The following FLNB variants were observed in gnomAD, a reference collection of about 807,000 sequenced individuals.
FLNB encodes the protein filamin-B.
Under a neutral mutation model 250.6 loss-of-function variants are expected in FLNB, and 111 were observed. That is an observed-to-expected ratio of 0.44 (90% CI 0.38 to 0.52). FLNB has a LOEUF of 0.52. Among genes scored for constraint, FLNB ranks in the 20% least tolerant of loss-of-function variants. The pLI is 0.00. For missense variants in FLNB, 2,869 were observed against 3,447.8 expected (o/e 0.83, Z 4.20); for synonymous variants, 1,302 against 1,372.1 (o/e 0.95, Z 1.13).
chr3:58,108,736 A>C (rs1346910390), intron 13 of FLNB, among the ~76,000 whole-genome samples, 165 bp downstream of exon 13: 2 of 152,158 alleles, frequency 1.3e-5, no homozygotes, highest in African/African-American at 4.8e-5. Flanking sequence ...TGAGACTACC[A>C]TGTAGAGTAC....
In FLNB at chr3:58,121,472, T is replaced by C. The variant is rs748170376; in HGVS notation, c.3095T>C (p.Val1032Ala). Residue 1032 changes from valine to alanine, a missense_variant, in exon 20 of 46, where the codon GTG becomes GCG. This residue lies in a region of FLNB where 1,348 missense variants were observed against 1,466.7 expected (regional missense o/e 0.92). Coordinates refer to ENST00000295956, the MANE Select transcript of FLNB (RefSeq NM_001457.4). ...CCTGTGCCCGGGAGCCCCTACACAG[T>C]GGAGGCCTCGCTGCCACCAGATCCC... ...GHPVPGSPYT[V>A]EASLPPDPSK... 11 of 1,614,124 alleles carry C rather than the reference T, an allele frequency of 6.8e-6. No homozygotes were observed. Among genetic ancestry groups the C allele is most frequent in the Non-Finnish European group, 8.5e-6 (10 of 1,180,020 alleles).
At chr3:58,135,078 C>T (rs1236425822) in intron 27 of FLNB, among the ~76,000 whole-genome samples, 4 of 152,068 alleles carry the variant, frequency 2.6e-5, no homozygotes, top group Non-Finnish European at 5.9e-5. Context: ...GTCTTGAACT[C>T]TCTTGGGTTC....
chr3:58,080,862 C>T (rs556580489), intron 3 of FLNB, among the ~76,000 whole-genome samples: 45 of 151,192 alleles, frequency 3.0e-4, no homozygotes, highest in Middle Eastern at 3.4e-3. Flanking sequence ...GGCATGATCT[C>T]GGTTCACTGA....
At chr3:58,122,716 A>G (rs1247759508) in intron 20 of FLNB, among the ~76,000 whole-genome samples, 2 of 152,144 alleles carry the variant, frequency 1.3e-5, no homozygotes, top group Non-Finnish European at 2.9e-5. Flanking sequence ...AGCCACAGCT[A>G]GCTCCACAAG....
chr3:58,163,410 T>G, intron 43 of FLNB, 80 bp downstream of exon 43: 1 of 1,483,648 alleles, frequency 6.7e-7, no homozygotes, highest in African/African-American at 1.4e-5. Context: ...TCAAGCCCCA[T>G]GAAAGCTTTT....
chr3:58,082,503 G>GT (rs1249934121), intron 4 of FLNB, among the ~76,000 whole-genome samples: 2 of 152,114 alleles, frequency 1.3e-5, no homozygotes, highest in Non-Finnish European at 2.9e-5. Flanking sequence ...GGGTGTGATG[G>GT]TTCATGCCTA....
At chr3:58,119,097 A>T in intron 19 of FLNB, 108 bp downstream of exon 19, 1 of 863,616 alleles carries the variant, frequency 1.2e-6, no homozygotes, top group South Asian at 1.3e-5. Flanking sequence ...ATTCTATGTT[A>T]AGAGACTTTG....
intron 5 of FLNB, among the ~76,000 whole-genome samples, chr3:58,095,908 A>T (rs559653375): frequency 7.9e-5 from 12 of 152,298 alleles, no homozygotes; most frequent in African/African-American, 2.9e-4. Context: ...AGAGAGTGCC[A>T]GCCTGACACT....
chr3:58,144,999 C>T (rs954666388), intron 32 of FLNB, among the ~76,000 whole-genome samples: 1 of 152,134 alleles, frequency 6.6e-6, no homozygotes, highest in African/African-American at 2.4e-5. Flanking sequence ...AGAGATTAGC[C>T]CTTTGTGGTA....
rs745589059 is a variant in FLNB, at chr3:58,120,058, C to T, written c.2863+1069C>T. On this transcript the variant is annotated intron_variant, in intron 19 of 45. Transcript: ENST00000295956. ...CAGGGCTGAGTGCATACCCCCAGGA[C>T]GGGGCCTCCTGTATTCACCTGTGAG... Among the ~76,000 whole-genome samples the T allele has an allele frequency of 3.3e-5, 5 of 152,198 alleles. 1 individual carries two copies. Among genetic ancestry groups the T allele is most frequent in the South Asian group, 2.1e-4 (1 of 4,822 alleles).
In FLNB at chr3:58,148,568, ATTTCTATT is replaced by A. The variant is rs2097339748; in HGVS notation, c.5888-79_5888-72del. On this transcript the variant is annotated intron_variant, in intron 35 of 45. Coordinates refer to ENST00000295956, the MANE Select transcript of FLNB (RefSeq NM_001457.4). ...TGTTGGGTGTCAGGAAAGAGGACAT[ATTTCTATT>A]TCTGAGAGTGTGTCTCTCTCCTGCT... is the stretch of plus-strand genomic sequence containing the variant. 11 of 1,332,194 alleles carry A rather than the reference ATTTCTATT, an allele frequency of 8.3e-6. No individual in the cohort carries two copies. The South Asian group carries it at 1.3e-4, about 16-fold the overall frequency. 82.5% of individuals were successfully genotyped at this position (1,332,194 alleles called of 1,614,324 possible). A position where few individuals can be genotyped will look rare whatever the true frequency, so the allele number is the denominator to read the frequency against.
intron 1 of FLNB, among the ~76,000 whole-genome samples, chr3:58,032,137 G>T (rs932791109): frequency 3.3e-5 from 5 of 151,842 alleles, no homozygotes; most frequent in South Asian, 2.1e-4. Flanking sequence ...TAGAGACAGG[G>T]TTGCCCAGGC....
chr3:58,099,221 T>A (rs987027227), intron 8 of FLNB, among the ~76,000 whole-genome samples: 8 of 152,182 alleles, frequency 5.3e-5, no homozygotes, highest in African/African-American at 1.9e-4. Context: ...CTCGGTAGCA[T>A]AACTGAAGTT....
At position 58,168,871 on chromosome 3, in the gene FLNB, G is replaced by C. The variant is rs534999868; in HGVS notation, c.7417+213G>C. On this transcript the variant is annotated intron_variant, in intron 44 of 45. Coordinates refer to ENST00000295956, the MANE Select transcript of FLNB (RefSeq NM_001457.4). ...TGCAGAAGTTGAGAAAGCATGTTAG[G>C]ATGTTAGGTGGTTTTCTATCTCTAA... 3 of 591,018 alleles carry C rather than the reference G, an allele frequency of 5.1e-6. No homozygotes were observed. The African/African-American group carries it at 5.5e-5, about 11-fold the overall frequency. 36.6% of individuals were successfully genotyped at this position (591,018 alleles called of 1,614,324 possible). A position where few individuals can be genotyped will look rare whatever the true frequency, so the allele number is the denominator to read the frequency against.
In FLNB at chr3:58,133,135, C is replaced by G. The variant is rs144894047; in HGVS notation, c.4514+204C>G. On this transcript the variant is annotated intron_variant, in intron 26 of 45. Transcript: ENST00000295956. Reference sequence around the variant, plus strand: ...TTCTTTCATCATTCCATCCATCCACCCATCCATTCCTCCATCAGTCCGTCT... The same window carrying G: ...TTCTTTCATCATTCCATCCATCCACGCATCCATTCCTCCATCAGTCCGTCT... 0.021 allele frequency among the ~76,000 whole-genome samples: 3,219 copies of G among 152,156 alleles called. 61 individuals are homozygous for G. Among genetic ancestry groups the G allele is most frequent in the Middle Eastern group, 0.051 (15 of 294 alleles).
chr3:58,018,218 G>T (rs1174574175), intron 1 of FLNB, among the ~76,000 whole-genome samples: 1 of 150,718 alleles, frequency 6.6e-6, no homozygotes, highest in Non-Finnish European at 1.5e-5. Context: ...GAAAAGAAAA[G>T]AACTTTTATC....
At position 58,126,589 on chromosome 3, in the gene FLNB, C is replaced by G. The variant is rs143371162; in HGVS notation, c.4062-13C>G. On this transcript the variant is annotated splice_polypyrimidine_tract_variant and intron_variant, in intron 23 of 45. Coordinates refer to ENST00000295956, the MANE Select transcript of FLNB (RefSeq NM_001457.4). The stretch of plus-strand genomic sequence containing the variant: ...AATGGTGCACATTTCACTTTCTTTT[C>G]CACTCTTTCCAGAGGCGCAGGAATT... The G allele has an allele frequency of 7.3e-5, 117 of 1,613,296 alleles. No homozygotes were observed. The African/African-American group carries it at 7.6e-4, about 10-fold the overall frequency.
At chr3:58,154,539 C>T (rs1488389296) in intron 39 of FLNB, 7 of 421,140 alleles carry the variant, frequency 1.7e-5, no homozygotes, top group Non-Finnish European at 2.6e-5. Context: ...AGCAAGACTC[C>T]GTCTCAAAAA....
At position 58,169,714 on chromosome 3, in the gene FLNB, G is replaced by A; in HGVS notation, c.7542G>A (p.Lys2514=). Residue 2514 remains lysine, a synonymous_variant, in exon 45 of 46, where the codon AAG becomes AAA. Transcript: ENST00000295956. The surrounding 1 kb of genome is among the most constrained non-coding windows in gnomAD (Gnocchi z 4.8). ...CCAAGGCATCCTCGGACGCCAGCAA[G>A]GTGACCTCTAAGGGGGCAGGGCTCT... ...AIPKASSDAS[K]VTSKGAGLSK... is the part of the protein sequence containing the mutation. 1 of 1,614,164 alleles carries A rather than the reference G, an allele frequency of 6.2e-7. No individual in the cohort carries two copies. The highest frequency in any genetic ancestry group is 8.5e-7 in the Non-Finnish European group (1 of 1,180,022).
Sources: gnomAD v4.1 joint callset for allele counts (sites outside exome capture counted in the v4.1 genomes callset) on GRCh38, gnomAD v4.1.1 for gene constraint, gnomAD v4.1.1 regional missense constraint, Gnocchi (gnomAD v3.1) non-coding constraint, MANE v1.5 for transcripts, NCBI Gene and HGNC (gene_info 2026-07-23, HGNC 2026-07-21) for gene names.